Variants in PLCB4 observed in about 807,000 individuals in gnomAD.
PLCB4 encodes the protein 1-phosphatidylinositol 4,5-bisphosphate phosphodiesterase beta-4.
Under a neutral mutation model 178.8 loss-of-function variants are expected in PLCB4, and 77 were observed. The ratio of observed to expected loss-of-function variants is 0.43; its 90% CI spans 0.36 to 0.52. The LOEUF (loss-of-function observed/expected upper bound fraction) is 0.52. PLCB4 is among the 20% of genes least tolerant of loss of function. The probability of loss-of-function intolerance (pLI) is 0.00; values close to 1 mark genes in which losing one functional copy is unlikely to be tolerated. For missense variants in PLCB4, 1,024 were observed against 1,453.4 expected, an observed-to-expected ratio of 0.70 and a Z score of 4.80; for synonymous variants, 496 against 490.8, an observed-to-expected ratio of 1.01 and a Z score of -0.14.
chr20:9,423,865 C>T lies in PLCB4; in HGVS notation c.2437C>T (p.Leu813Phe). The T allele has an allele frequency of 6.2e-7, 1 of 1,613,668 alleles. No homozygotes were observed. Among genetic ancestry groups the T allele is most frequent in the Non-Finnish European group, 8.5e-7 (1 of 1,179,594 alleles). Residue 813 changes from leucine to phenylalanine, a missense_variant, in exon 28 of 40, where the codon CTT (leucine) becomes TTT (phenylalanine). Leu to Phe is a conservative substitution (Grantham distance 22, BLOSUM62 0). Transcript: ENST00000378473. Reference sequence around the variant, plus strand: ...CCAAGCCGGATATCGACACATTTCCCTTCGAAATGAGGGAAATAAACCATT... The same window carrying T: ...CCAAGCCGGATATCGACACATTTCCTTTCGAAATGAGGGAAATAAACCATT... ...GLQAGYRHIS[L>F]RNEGNKPLSL...
chr20:9,189,639 G>A (rs772343522), intron 2 of PLCB4, among the ~76,000 whole-genome samples: 5 of 152,166 alleles, frequency 3.3e-5, no homozygotes, highest in Non-Finnish European at 7.3e-5. Context: ...CAGACTGGGC[G>A]ATTTATAAAC....
At chr20:9,099,388 A>G (rs191095182) in intron 2 of PLCB4, among the ~76,000 whole-genome samples, 2 of 152,318 alleles carry the variant, frequency 1.3e-5, no homozygotes, top group East Asian at 1.9e-4. Context: ...ATTTTCTTGT[A>G]TGGTAGCTTG....
intron 2 of PLCB4, among the ~76,000 whole-genome samples, chr20:9,183,133 A>G (rs890304477): frequency 6.6e-6 from 1 of 152,086 alleles, no homozygotes; most frequent in African/African-American, 2.4e-5. Flanking sequence ...GTGGTGTCCC[A>G]GAGTTTTCTC....
intron 15 of PLCB4, among the ~76,000 whole-genome samples, chr20:9,388,698 C>T (rs987983732): frequency 1.2e-4 from 18 of 152,058 alleles, no homozygotes; most frequent in East Asian, 1.9e-4. Flanking sequence ...AGCAACAGAG[C>T]GAGACTCTGT....
intron 25 of PLCB4, among the ~76,000 whole-genome samples, chr20:9,416,052 C>T (rs566656367): frequency 6.6e-6 from 1 of 152,316 alleles, no homozygotes; most frequent in Non-Finnish European, 1.5e-5. Context: ...TCCTGACAAG[C>T]TTCTGCATAC....
intron 1 of PLCB4, among the ~76,000 whole-genome samples, chr20:9,088,184 T>C (rs199620298): frequency 0.18 from 19,430 of 110,258 alleles, 1,402 homozygotes; most frequent in East Asian, 0.4. Flanking sequence ...TTTTCTTTTT[T>C]TTTTTTTTTT....
At chr20:9,138,869 A>G (rs895072219) in intron 2 of PLCB4, among the ~76,000 whole-genome samples, 4 of 152,124 alleles carry the variant, frequency 2.6e-5, no homozygotes, top group Non-Finnish European at 5.9e-5. Context: ...TGAATTTTTG[A>G]GTGCTGCTTA....
At chr20:9,176,161 T>A (rs1281607367) in intron 2 of PLCB4, among the ~76,000 whole-genome samples, 1 of 152,220 alleles carries the variant, frequency 6.6e-6, no homozygotes, top group African/African-American at 2.4e-5. Context: ...GTTTCAGAGA[T>A]TCCTCCATGC....
At chr20:9,193,662 T>G (rs2093432750) in intron 2 of PLCB4, among the ~76,000 whole-genome samples, 3 of 152,194 alleles carry the variant, frequency 2.0e-5, no homozygotes, top group Admixed American at 6.5e-5. Flanking sequence ...GACCTATGTC[T>G]TTTTAAAATT....
At chr20:9,347,358 T>A (rs1419754167) in intron 7 of PLCB4, among the ~76,000 whole-genome samples, 1 of 152,230 alleles carries the variant, frequency 6.6e-6, no homozygotes, top group Non-Finnish European at 1.5e-5. Context: ...TGGCAACTCA[T>A]TTTTTAAACA....
chr20:9,454,673 T>C (rs1336005544), intron 33 of PLCB4, among the ~76,000 whole-genome samples: 1 of 152,214 alleles, frequency 6.6e-6, no homozygotes, highest in Non-Finnish European at 1.5e-5. Flanking sequence ...TTCTTGGACA[T>C]TGGTTCATAT....
chr20:9,401,136 C>A (rs1318138283), intron 19 of PLCB4, among the ~76,000 whole-genome samples: 2 of 152,136 alleles, frequency 1.3e-5, no homozygotes, highest in African/African-American at 4.8e-5. Context: ...GATCAAAACA[C>A]CTTTTTATGA....
At chr20:9,099,347 G>A (rs73895547) in intron 2 of PLCB4, among the ~76,000 whole-genome samples, 1,648 of 152,188 alleles carry the variant, frequency 0.011, 27 homozygotes, top group African/African-American at 0.037. Flanking sequence ...GGCAATAGAG[G>A]AACTTTCTTC....
At chr20:9,150,933 T>C (rs2092680345) in intron 2 of PLCB4, among the ~76,000 whole-genome samples, 1 of 152,178 alleles carries the variant, frequency 6.6e-6, no homozygotes, top group Admixed American at 6.5e-5. Flanking sequence ...TGCTTGTGTT[T>C]ATGATGGGAG....
intron 2 of PLCB4, among the ~76,000 whole-genome samples, chr20:9,207,682 C>G (rs1429885960): frequency 2.0e-5 from 3 of 152,154 alleles, no homozygotes; most frequent in African/African-American, 7.2e-5. Flanking sequence ...TAGAGGAGGG[C>G]CCACCATCTG....
At chr20:9,470,800 A>G (rs1261450130) in intron 36 of PLCB4, among the ~76,000 whole-genome samples, 2 of 152,232 alleles carry the variant, frequency 1.3e-5, no homozygotes, top group African/African-American at 2.4e-5. Flanking sequence ...CCCAAGTACT[A>G]TACATTTGTG....
At chr20:9,375,986 A>G (rs953446385) in intron 12 of PLCB4, among the ~76,000 whole-genome samples, 1 of 152,112 alleles carries the variant, frequency 6.6e-6, no homozygotes, top group African/African-American at 2.4e-5. Flanking sequence ...TTTTATTCAT[A>G]TACTAATGTG....
At position 9,238,858 on chromosome 20, in the gene PLCB4, G is replaced by A. The variant is rs201209307; in HGVS notation, c.-16+21406G>A. Among the ~76,000 whole-genome samples the A allele has an allele frequency of 1.1e-4, 16 of 152,276 alleles. No homozygotes were observed. The East Asian group carries it at 1.5e-3, about 15-fold the overall frequency. On this transcript the variant is annotated intron_variant, in intron 3 of 39. Transcript: ENST00000378473. ...TTTTAGATTTTTTAATAAGAGTAAT[G>A]TATGCACATGTAATGAGATAGATCA...
At chr20:9,336,550 A>G (rs1397992377) in intron 4 of PLCB4, among the ~76,000 whole-genome samples, 1 of 152,268 alleles carries the variant, frequency 6.6e-6, no homozygotes, top group Non-Finnish European at 1.5e-5. Flanking sequence ...GACTCAGTCC[A>G]TCTGGACTGG....
Sources: gnomAD v4.1 joint callset for allele counts (sites outside exome capture counted in the v4.1 genomes callset) on GRCh38, gnomAD v4.1.1 for gene constraint, MANE v1.5 for transcripts, NCBI Gene and HGNC (gene_info 2026-07-23, HGNC 2026-07-21) for gene names.